Variants in B3GNT2 observed in about 807,000 individuals in gnomAD.
B3GNT2 encodes N-acetyllactosaminide beta-1,3-N-acetylglucosaminyltransferase 2.
Under a neutral mutation model 27.6 loss-of-function variants are expected in B3GNT2, and 12 were observed. That is an observed-to-expected ratio of 0.44 (90% CI 0.28 to 0.71). The LOEUF (loss-of-function observed/expected upper bound fraction) is 0.71. Ranked by LOEUF, B3GNT2 falls within the 30% of genes least tolerant of loss-of-function variation. The pLI is 0.17. For missense variants in B3GNT2, 413 were observed against 488.5 expected, an observed-to-expected ratio of 0.85 and a Z score of 1.46; for synonymous variants, 192 against 189.7, an observed-to-expected ratio of 1.01 and a Z score of -0.10.
intron 1 of B3GNT2, among the ~76,000 whole-genome samples, chr2:62,204,771 A>G (rs944646075): frequency 1.3e-5 from 2 of 152,210 alleles, no homozygotes; most frequent in Non-Finnish European, 2.9e-5. Context: ...TTTTTTAAAA[A>G]ACTTTTATTC....
At chr2:62,198,225 C>T (rs1433161109) in intron 1 of B3GNT2, among the ~76,000 whole-genome samples, 4 of 152,222 alleles carry the variant, frequency 2.6e-5, no homozygotes, top group Non-Finnish European at 5.9e-5. Context: ...CCTTGCCATT[C>T]ATTAGACTTG....
At chr2:62,215,219 AG>A (rs1370241540) in intron 1 of B3GNT2, among the ~76,000 whole-genome samples, 1 of 152,206 alleles carries the variant, frequency 6.6e-6, no homozygotes, top group African/African-American at 2.4e-5. Context: ...TTGAACATGA[AG>A]GCTAAAAGTA....
intron 1 of B3GNT2, among the ~76,000 whole-genome samples, chr2:62,199,543 G>T (rs1403298719): frequency 6.6e-6 from 1 of 152,204 alleles, no homozygotes; most frequent in Non-Finnish European, 1.5e-5. Context: ...ATCCCTGATG[G>T]TGGTACATAC....
intron 1 of B3GNT2, among the ~76,000 whole-genome samples, chr2:62,206,336 A>T (rs1674373784): frequency 6.6e-6 from 1 of 152,116 alleles, no homozygotes; most frequent in Non-Finnish European, 1.5e-5. Context: ...GATCCTGTGA[A>T]CCAGTTTACT....
At chr2:62,212,526 C>T (rs1248468425) in intron 1 of B3GNT2, among the ~76,000 whole-genome samples, 1 of 151,944 alleles carries the variant, frequency 6.6e-6, no homozygotes, top group African/African-American at 2.4e-5. Context: ...GGTCCAGCAG[C>T]ACCTGATGAC....
chr2:62,219,328 T>G (rs375934063), intron 1 of B3GNT2, among the ~76,000 whole-genome samples: 1 of 152,346 alleles, frequency 6.6e-6, no homozygotes, highest in East Asian at 1.9e-4. Flanking sequence ...TGTGCTGTTT[T>G]TTCCTGAGTA....
chr2:62,200,595 T>C (rs1573256490), intron 1 of B3GNT2, among the ~76,000 whole-genome samples: 1 of 152,292 alleles, frequency 6.6e-6, no homozygotes, highest in Non-Finnish European at 1.5e-5. Flanking sequence ...TGCAGTAAAG[T>C]GTGAGAAGTG....
intron 1 of B3GNT2, among the ~76,000 whole-genome samples, chr2:62,201,865 T>C (rs539418038): frequency 3.9e-4 from 60 of 152,260 alleles, no homozygotes; most frequent in African/African-American, 1.3e-3. Flanking sequence ...TAAAACAAAA[T>C]ATGGGCCTGC....
intron 1 of B3GNT2, among the ~76,000 whole-genome samples, chr2:62,198,797 GT>G (rs200401558): frequency 2.6e-5 from 4 of 151,816 alleles, no homozygotes; most frequent in African/African-American, 7.3e-5. Flanking sequence ...CAGATATGTG[GT>G]TTTTTTTAAA....
chr2:62,205,753 A>G (rs1339598483), intron 1 of B3GNT2: 2 of 152,462 alleles, frequency 1.3e-5, no homozygotes, highest in African/African-American at 4.8e-5. Flanking sequence ...GAGCGCTGGC[A>G]TTTAGTGGCT....
At chr2:62,205,543 A>G (rs1263638736) in intron 1 of B3GNT2, among the ~76,000 whole-genome samples, 1 of 152,220 alleles carries the variant, frequency 6.6e-6, no homozygotes, top group East Asian at 1.9e-4. Flanking sequence ...GCCTTTGAGA[A>G]AGGGAGAAGA....
intron 1 of B3GNT2, among the ~76,000 whole-genome samples, chr2:62,200,850 G>T (rs1001265408): frequency 1.3e-5 from 2 of 152,132 alleles, no homozygotes; most frequent in Non-Finnish European, 2.9e-5. Flanking sequence ...TGTGAAATAG[G>T]CTTGAATTCT....
At position 62,222,205 on chromosome 2, in the gene B3GNT2, A is replaced by C. The variant is rs1674712040; in HGVS notation, c.-9-7A>C. The C allele has an allele frequency of 6.4e-7, 1 of 1,574,640 alleles. No individual in the cohort carries two copies. Among genetic ancestry groups the C allele is most frequent in the African/African-American group, 1.4e-5 (1 of 73,278 alleles). ...AATTGATACAATACTCCACCCCTTT[A>C]TTCCAGATATGAGAAATGAGTGTTG... On this transcript the variant is annotated splice_region_variant and splice_polypyrimidine_tract_variant and intron_variant, in intron 1 of 1. Transcript: ENST00000301998. The surrounding 1 kb of genome is among the most constrained non-coding windows in gnomAD (Gnocchi z 4.2).
At chr2:62,212,474 A>G (rs900370487) in intron 1 of B3GNT2, among the ~76,000 whole-genome samples, 2 of 151,800 alleles carry the variant, frequency 1.3e-5, no homozygotes, top group African/African-American at 2.4e-5. Flanking sequence ...TAGGGTATAC[A>G]TTGACGTGGT....
At chr2:62,203,698 G>T (rs1674314330) in intron 1 of B3GNT2, among the ~76,000 whole-genome samples, 1 of 152,116 alleles carries the variant, frequency 6.6e-6, no homozygotes. Context: ...GGCTGAAGAT[G>T]GGGGAAACAG....
At chr2:62,213,124 A>T (rs1025367000) in intron 1 of B3GNT2, among the ~76,000 whole-genome samples, 4 of 152,194 alleles carry the variant, frequency 2.6e-5, no homozygotes, top group African/African-American at 7.2e-5. Context: ...CAGCTGGGGC[A>T]ACATGAGGAG....
At chr2:62,206,960 C>T (rs1169830214) in intron 1 of B3GNT2, among the ~76,000 whole-genome samples, 1 of 152,128 alleles carries the variant, frequency 6.6e-6, no homozygotes, top group Admixed American at 6.6e-5. Flanking sequence ...TTGAGACTTC[C>T]CAAAGCAATT....
chr2:62,199,177 G>A (rs1478806634), intron 1 of B3GNT2, among the ~76,000 whole-genome samples: 2 of 152,186 alleles, frequency 1.3e-5, no homozygotes, highest in African/African-American at 4.8e-5. Context: ...CTGACCTGGT[G>A]ATCCACCCGC....
intron 1 of B3GNT2, among the ~76,000 whole-genome samples, chr2:62,203,418 C>G (rs1674308455): frequency 6.6e-6 from 1 of 152,042 alleles, no homozygotes; most frequent in African/African-American, 2.4e-5. Flanking sequence ...TAAGGGAAGA[C>G]CCAGCAATAG....
Sources: gnomAD v4.1 joint callset for allele counts (sites outside exome capture counted in the v4.1 genomes callset) on GRCh38, gnomAD v4.1.1 for gene constraint, Gnocchi (gnomAD v3.1) non-coding constraint, MANE v1.5 for transcripts, NCBI Gene and HGNC (gene_info 2026-07-23, HGNC 2026-07-21) for gene names.